The following NKAIN3 variants were observed in gnomAD, a reference collection of about 807,000 sequenced individuals.
NKAIN3 encodes the protein sodium/potassium transporting ATPase interacting 3.
A neutral mutation model predicts 30.2 loss-of-function variants in NKAIN3; 25 were observed. The ratio of observed to expected loss-of-function variants is 0.83; its 90% CI spans 0.60 to 1.16. The LOEUF is 1.16. Among genes scored for constraint, NKAIN3 ranks in the 50% most tolerant of loss-of-function variants. NKAIN3 has a pLI of 0.00. For synonymous variants in NKAIN3, 91 were observed against 89.6 expected, an observed-to-expected ratio of 1.02 and a Z score of -0.09; for missense variants, 225 against 254.1, an observed-to-expected ratio of 0.89 and a Z score of 0.78.
chr8:62,669,318 A>T (rs985452374), intron 3 of NKAIN3, among the ~76,000 whole-genome samples: 3 of 151,896 alleles, frequency 2.0e-5, no homozygotes, highest in Non-Finnish European at 2.9e-5. Context: ...TTCCTCTTTT[A>T]CCTTCACAGG....
At chr8:62,887,733 T>G (rs1466934298) in intron 4 of NKAIN3, among the ~76,000 whole-genome samples, 1 of 152,214 alleles carries the variant, frequency 6.6e-6, no homozygotes, top group Non-Finnish European at 1.5e-5. Context: ...TCCTTTTACT[T>G]TTTTCTTAGA....
intron 4 of NKAIN3, among the ~76,000 whole-genome samples, chr8:62,797,436 G>A (rs895964341): frequency 6.6e-6 from 1 of 152,112 alleles, no homozygotes; most frequent in African/African-American, 2.4e-5. Flanking sequence ...AAATAATGTT[G>A]GGAAAAAATG....
chr8:62,403,333 A>T (rs1803951298), intron 1 of NKAIN3, among the ~76,000 whole-genome samples: 1 of 152,242 alleles, frequency 6.6e-6, no homozygotes, highest in African/African-American at 2.4e-5. Context: ...AAATCTGCAT[A>T]AGTAACAAGG....
intron 2 of NKAIN3, among the ~76,000 whole-genome samples, chr8:62,583,174 A>G (rs1810359187): frequency 6.6e-6 from 1 of 152,050 alleles, no homozygotes; most frequent in Admixed American, 6.6e-5. Context: ...ATACTTATTG[A>G]TTATTTTTCC....
intron 2 of NKAIN3, among the ~76,000 whole-genome samples, chr8:62,587,703 T>G (rs910545406): frequency 3.9e-5 from 6 of 152,004 alleles, no homozygotes; most frequent in African/African-American, 1.4e-4. Context: ...GATGATTGAA[T>G]GACATGATAT....
intron 3 of NKAIN3, among the ~76,000 whole-genome samples, chr8:62,719,666 C>A (rs1271140281): frequency 6.6e-6 from 1 of 151,768 alleles, no homozygotes; most frequent in Non-Finnish European, 1.5e-5. Context: ...CTATGCCTGA[C>A]AGGTAAGTCA....
At chr8:62,579,483 A>C in intron 1 of NKAIN3, 56 bp from the exon 2 acceptor site, 1 of 1,437,714 alleles carries the variant, frequency 7.0e-7, no homozygotes, top group Non-Finnish European at 9.4e-7. Context: ...ATAAAGATTA[A>C]AATAGTATGA....
At chr8:62,728,116 A>C (rs889917140) in intron 3 of NKAIN3, among the ~76,000 whole-genome samples, 5 of 152,194 alleles carry the variant, frequency 3.3e-5, no homozygotes, top group African/African-American at 1.2e-4. Context: ...GCAAAATAAC[A>C]ATAATCTAGA....
intron 4 of NKAIN3, among the ~76,000 whole-genome samples, chr8:62,818,500 A>G (rs1032882313): frequency 3.9e-5 from 6 of 152,114 alleles, no homozygotes; most frequent in Non-Finnish European, 8.8e-5. Context: ...CCTAGTAATC[A>G]TATTTCTATG....
chr8:62,497,504 A>G (rs888367221), intron 1 of NKAIN3, among the ~76,000 whole-genome samples: 1 of 152,012 alleles, frequency 6.6e-6, no homozygotes, highest in African/African-American at 2.4e-5. Context: ...TTAATTTAGA[A>G]TAAACTGTTT....
intron 4 of NKAIN3, among the ~76,000 whole-genome samples, chr8:62,868,592 G>T (rs1327196568): frequency 6.6e-6 from 1 of 152,200 alleles, no homozygotes; most frequent in African/African-American, 2.4e-5. Context: ...GTACTGAATA[G>T]TCGGCCCTGT....
At chr8:62,583,704 G>A (rs1320526797) in intron 2 of NKAIN3, among the ~76,000 whole-genome samples, 6 of 152,236 alleles carry the variant, frequency 3.9e-5, no homozygotes, top group East Asian at 1.9e-4. Flanking sequence ...TGCTTTCACT[G>A]GCAGATTCCA....
At chr8:62,712,179 T>C (rs867631506) in intron 3 of NKAIN3, among the ~76,000 whole-genome samples, 5 of 152,052 alleles carry the variant, frequency 3.3e-5, no homozygotes, top group Admixed American at 1.3e-4. Context: ...GTTCTTAGTT[T>C]TGGTGGTTTA....
intron 1 of NKAIN3, 111 bp downstream of exon 1, chr8:62,249,238 G>C (rs551935411): frequency 7.7e-6 from 7 of 910,756 alleles, no homozygotes; most frequent in African/African-American, 5.2e-5. Context: ...GGGTGAACAG[G>C]GCGCTCCGCC....
chr8:62,415,033 G>T (rs1804384982), intron 1 of NKAIN3, among the ~76,000 whole-genome samples: 1 of 79,458 alleles, frequency 1.3e-5, no homozygotes. Context: ...GAATTAATTA[G>T]AAATATTATA....
At chr8:62,429,946 T>A (rs1413775119) in intron 1 of NKAIN3, among the ~76,000 whole-genome samples, 1 of 151,888 alleles carries the variant, frequency 6.6e-6, no homozygotes, top group East Asian at 1.9e-4. Flanking sequence ...TCTCCATAAC[T>A]CTTTCTATCT....
intron 1 of NKAIN3, among the ~76,000 whole-genome samples, chr8:62,568,949 G>A (rs909747443): frequency 1.3e-5 from 2 of 152,150 alleles, no homozygotes; most frequent in Admixed American, 6.5e-5. Context: ...CACTGAGCAT[G>A]TGCAATTCCA....
intron 1 of NKAIN3, among the ~76,000 whole-genome samples, chr8:62,346,603 A>G (rs757333063): frequency 1.2e-4 from 19 of 152,070 alleles, no homozygotes; most frequent in Non-Finnish European, 2.4e-4. Context: ...TGGCCCTCCT[A>G]TATTTTGAAG....
At chr8:62,663,243 T>C (rs1166460364) in intron 3 of NKAIN3, among the ~76,000 whole-genome samples, 1 of 152,206 alleles carries the variant, frequency 6.6e-6, no homozygotes, top group Non-Finnish European at 1.5e-5. Context: ...ACAGTGGTTC[T>C]TGAGAAGGAG....
Sources: allele counts gnomAD v4.1 joint callset (sites outside exome capture counted in the v4.1 genomes callset), GRCh38; gene constraint gnomAD v4.1.1; transcripts MANE v1.5; gene names NCBI Gene and HGNC (gene_info 2026-07-23, HGNC 2026-07-21).